Variants in DNAH5 observed in about 807,000 individuals in gnomAD.
The protein encoded by DNAH5 is axonemal beta dynein heavy chain 5.
A neutral mutation model predicts 518.2 loss-of-function variants in DNAH5; 372 were observed. The observed-to-expected ratio is 0.72, with a 90% confidence interval of 0.66 to 0.78. DNAH5 has a LOEUF of 0.78. Ranked by LOEUF, DNAH5 falls within the 30% of genes least tolerant of loss-of-function variation. DNAH5 has a pLI of 0.00. For synonymous variants in DNAH5, 2,039 were observed against 2,025.9 expected (o/e 1.01, Z -0.17); for missense variants, 5,523 against 5,687.0 (o/e 0.97, Z 0.93).
chr5:13,994,599 GTTAT>G (rs532920024), intron 1 of DNAH5, among the ~76,000 whole-genome samples: 38 of 152,222 alleles, frequency 2.5e-4, no homozygotes, highest in African/African-American at 8.9e-4. Flanking sequence ...AGAAAATAAG[GTTAT>G]CTCATTCTTC....
At chr5:13,843,369 G>A (rs564922751) in intron 32 of DNAH5, among the ~76,000 whole-genome samples, 9 of 152,180 alleles carry the variant, frequency 5.9e-5, no homozygotes, top group South Asian at 2.1e-4. Context: ...GCTGAATTCC[G>A]TAATGTAATG....
intron 31 of DNAH5, among the ~76,000 whole-genome samples, chr5:13,849,499 C>T (rs980554929): frequency 3.3e-5 from 5 of 152,126 alleles, no homozygotes; most frequent in Admixed American, 6.6e-5. Flanking sequence ...GACAACAAAA[C>T]GTAATGTCTC....
At chr5:13,692,209 T>C in intron 78 of DNAH5, 74 bp from the exon 79 acceptor site, 8 of 1,493,532 alleles carry the variant, frequency 5.4e-6, no homozygotes, top group Non-Finnish European at 7.4e-6. Flanking sequence ...AGAGCCATGC[T>C]TCTGCATTCT....
At chr5:13,767,562 C>T (rs966481263) in intron 58 of DNAH5, among the ~76,000 whole-genome samples, 1 of 152,140 alleles carries the variant, frequency 6.6e-6, no homozygotes, top group South Asian at 2.1e-4. Flanking sequence ...AAAAATAGAA[C>T]AGCAGCCAGT....
intron 72 of DNAH5, among the ~76,000 whole-genome samples, chr5:13,718,441 C>T (rs2126515168): frequency 6.6e-6 from 1 of 152,282 alleles, no homozygotes; most frequent in African/African-American, 2.4e-5. Flanking sequence ...ATGATGGGGG[C>T]ATTTGGGCCT....
chr5:13,702,709 G>C (rs1742274169), intron 76 of DNAH5, among the ~76,000 whole-genome samples: 1 of 152,176 alleles, frequency 6.6e-6, no homozygotes, highest in African/African-American at 2.4e-5. Flanking sequence ...CTGATTCTGA[G>C]TCTCTCAGCT....
chr5:13,783,884 G>T (rs1010825816), intron 52 of DNAH5, among the ~76,000 whole-genome samples: 1 of 152,164 alleles, frequency 6.6e-6, no homozygotes, highest in Non-Finnish European at 1.5e-5. Context: ...GAGAAGACAG[G>T]GCCAGCCGGG....
intron 78 of DNAH5, among the ~76,000 whole-genome samples, chr5:13,699,986 A>G (rs1741875931): frequency 6.6e-6 from 1 of 152,244 alleles, no homozygotes; most frequent in South Asian, 2.1e-4. Flanking sequence ...GCATTTTTAG[A>G]CTTGTCAAGT....
At chr5:13,810,584 CAAAA>C (rs61113976) in intron 44 of DNAH5, 7 of 99,748 alleles carry the variant, frequency 7.0e-5, no homozygotes, top group South Asian at 3.7e-4. Flanking sequence ...ACTAAAAATA[CAAAA>C]AAAAAAAAAA....
At chr5:13,807,908 T>C (rs1188421357) in intron 46 of DNAH5, among the ~76,000 whole-genome samples, 183 bp from the exon 47 acceptor site, 2 of 152,096 alleles carry the variant, frequency 1.3e-5, no homozygotes, top group African/African-American at 4.8e-5. Flanking sequence ...TGAGGCTTAT[T>C]CCACCCTAAC....
intron 61 of DNAH5, among the ~76,000 whole-genome samples, chr5:13,755,649 GCAAAAAAACTAACAGTC>G (rs1750894036): frequency 1.3e-5 from 2 of 152,100 alleles, no homozygotes; most frequent in South Asian, 4.2e-4. Context: ...TGGAGTTAAG[GCAAAAAAACTAACAGTC>G]CATCGGAGAG....
intron 29 of DNAH5, 27 bp downstream of exon 29, chr5:13,862,521 A>C (rs1336023884): frequency 1.9e-6 from 3 of 1,606,248 alleles, no homozygotes; most frequent in South Asian, 1.1e-5. Flanking sequence ...TCTCAAATCT[A>C]AGGGAAAAGA....
At chr5:13,838,355 C>T (rs961549135) in intron 35 of DNAH5, among the ~76,000 whole-genome samples, 3 of 152,102 alleles carry the variant, frequency 2.0e-5, no homozygotes, top group African/African-American at 4.8e-5. Context: ...AGGTGGGCGG[C>T]GGGCAAGTGA....
At chr5:13,884,789 T>A (rs900302577) in intron 19 of DNAH5, among the ~76,000 whole-genome samples, 200 bp downstream of exon 19, 7 of 152,224 alleles carry the variant, frequency 4.6e-5, no homozygotes, top group Admixed American at 1.3e-4. Flanking sequence ...TGAGCTGAGA[T>A]CGTGCCGCTA....
chr5:13,754,485 A>G (rs1027190344), intron 61 of DNAH5, 147 bp from the exon 62 acceptor site: 12 of 930,670 alleles, frequency 1.3e-5, no homozygotes, highest in Non-Finnish European at 1.7e-5. Flanking sequence ...TTCTATTTCC[A>G]TGTGTCTGTC....
Position 13,870,172 on chromosome 5 carries a change from T to C in DNAH5, c.3834+595A>G, listed in dbSNP as rs73746944. On this transcript the variant is annotated intron_variant, in intron 24 of 78. Coordinates refer to ENST00000265104, the MANE Select transcript of DNAH5 (RefSeq NM_001369.3). ...TTCCTTATGTGAGGAGTAGGAGCCA[T>C]AGTAAGGATGAAATGAGTTACTGCA... Among the ~76,000 whole-genome samples, 855 of 152,234 alleles carry C rather than the reference T, an allele frequency of 5.6e-3. 11 individuals are homozygous for C. Among genetic ancestry groups the C allele is most frequent in the African/African-American group, 0.02 (811 of 41,546 alleles).
chr5:13,885,107 G>A lies in DNAH5; in HGVS notation c.2865C>T (p.Ala955=). ...KKETEMLGEE[A]RELLSHFNHQ... ...GGTTGAAATGAGAGAGTAACTCGCG[G>A]GCTTCTTCCCCTAACATCTCAGTTT... The change falls in exon 19 of 79, where the codon GCC becomes GCT. Residue 955 remains alanine, a synonymous_variant. Coordinates refer to ENST00000265104, the MANE Select transcript of DNAH5 (RefSeq NM_001369.3). The A allele has an allele frequency of 6.2e-7, 1 of 1,614,214 alleles. No homozygotes were observed. Among genetic ancestry groups the A allele is most frequent in the Non-Finnish European group, 8.5e-7 (1 of 1,180,036 alleles).
intron 47 of DNAH5, among the ~76,000 whole-genome samples, chr5:13,802,062 AT>A (rs201510758): frequency 1.3e-5 from 2 of 152,038 alleles, no homozygotes; most frequent in East Asian, 3.9e-4. Context: ...CCAGTTACTG[AT>A]TTTTAAAAAA....
At chr5:13,920,732 T>A in intron 5 of DNAH5, 115 bp from the exon 6 acceptor site, 1 of 1,114,744 alleles carries the variant, frequency 9.0e-7, no homozygotes, top group Non-Finnish European at 1.3e-6. Context: ...GCCCACCAGG[T>A]AGCACATACC....
Sources: gnomAD v4.1 joint callset for allele counts (sites outside exome capture counted in the v4.1 genomes callset) on GRCh38, gnomAD v4.1.1 for gene constraint, MANE v1.5 for transcripts, NCBI Gene and HGNC (gene_info 2026-07-23, HGNC 2026-07-21) for gene names.